TBC1D20: variants seen among roughly 807,000 people sequenced by gnomAD.
TBC1D20 encodes chromosome 20 open reading frame 140.
TBC1D20 carries 12 observed loss-of-function variants against 41.6 expected under a neutral mutation model. That is an observed-to-expected ratio of 0.29 (90% confidence interval 0.18 to 0.47). The LOEUF (loss-of-function observed/expected upper bound fraction) is 0.47, where lower values mean the gene tolerates loss of function less well. Ranked by LOEUF, TBC1D20 falls within the 20% of genes least tolerant of loss-of-function variation. TBC1D20 has a pLI of 1.00. For synonymous variants in TBC1D20, 205 were observed against 204.8 expected (o/e 1.00, Z -0.01); for missense variants, 421 against 517.4 (o/e 0.81, Z 1.81).
chr20:437,122 G>T lies in TBC1D20; in HGVS notation c.*1464C>A, dbSNP rs950614349. The T allele has an allele frequency of 6.6e-5, 10 of 152,130 alleles. No homozygotes were observed. The highest frequency in any genetic ancestry group is 5.3e-4 in the Admixed American group (8 of 15,220). 9.4% of individuals were successfully genotyped at this position (152,130 alleles called of 1,614,324 possible). On this transcript the variant is annotated 3_prime_UTR_variant, in exon 8 of 8. Transcript: ENST00000354200. ...GAGTGAGACTCCATCTCAGAAAAAA[G>T]AAAATAATAATAAAATAAATAAAAA...
Position 438,525 on chromosome 20 carries a change from C to G in TBC1D20, c.*61G>C, listed in dbSNP as rs927693928. On this transcript the variant is annotated 3_prime_UTR_variant, in exon 8 of 8. Coordinates refer to ENST00000354200, the MANE Select transcript of TBC1D20 (RefSeq NM_144628.4). ...TTAATAAAGGAAATTCCACCCCTCC[C>G]AATCCTTCCATGGAAGGGTGAGACC... The G allele has an allele frequency of 3.8e-5, 59 of 1,563,678 alleles. No individual in the cohort carries two copies. The African/African-American group carries it at 8.0e-4, about 21-fold the overall frequency.
At position 438,789 on chromosome 20, in the gene TBC1D20, G is replaced by A. The variant is rs757133570; in HGVS notation, c.1009C>T (p.Pro337Ser). 11 of 1,614,118 alleles carry A rather than the reference G, an allele frequency of 6.8e-6. No homozygotes were observed. Among genetic ancestry groups the A allele is most frequent in the African/African-American group, 6.7e-5 (5 of 74,934 alleles). Residue 337 changes from proline to serine, a missense_variant, in exon 8 of 8, where the codon CCT becomes TCT. This residue lies in a region of TBC1D20 where 161 missense variants were observed against 182.7 expected (regional missense o/e 0.88). Coordinates refer to ENST00000354200, the MANE Select transcript of TBC1D20 (RefSeq NM_144628.4). Reference sequence around the variant, plus strand: ...AACCGCTGCCGCAGCACCATATCAGGCCTCTGCTGGGCTGATGCCAGCTCA... The same window carrying A: ...AACCGCTGCCGCAGCACCATATCAGACCTCTGCTGGGCTGATGCCAGCTCA... ...DFELASAQQR[P>S]DMVLRQRFRG...
At chr20:441,528 A>T in intron 5 of TBC1D20, 60 bp downstream of exon 5, 3 of 1,411,912 alleles carry the variant, frequency 2.1e-6, no homozygotes, top group Non-Finnish European at 3.0e-6. Context: ...GGAGTGTTTC[A>T]GGTGTGGGGG....
At position 462,503 on chromosome 20, in the gene TBC1D20, G is replaced by T; in HGVS notation, c.-98C>A. The T allele has an allele frequency of 1.5e-6, 1 of 681,256 alleles. No individual in the cohort carries two copies. Among genetic ancestry groups the T allele is most frequent in the Non-Finnish European group, 1.9e-6 (1 of 517,358 alleles). 42.2% of individuals were successfully genotyped at this position (681,256 alleles called of 1,614,324 possible). A position where few individuals can be genotyped will look rare whatever the true frequency, so the allele number is the denominator to read the frequency against. On this transcript the variant is annotated 5_prime_UTR_variant, in exon 1 of 8. Coordinates refer to ENST00000354200, the MANE Select transcript of TBC1D20 (RefSeq NM_144628.4). ...GGGACGTAGCACCCGCTCGGCATCG[G>T]CAGGCTCCCCTCCGTCGGCCAGCGG...
intron 3 of TBC1D20, among the ~76,000 whole-genome samples, chr20:443,429 T>G (rs1438816833): frequency 6.6e-6 from 1 of 152,184 alleles, no homozygotes; most frequent in Non-Finnish European, 1.5e-5. Flanking sequence ...GAATGGCACA[T>G]GCACAGCTTC....
At chr20:456,693 T>A (rs1241805456) in intron 1 of TBC1D20, among the ~76,000 whole-genome samples, 3 of 151,810 alleles carry the variant, frequency 2.0e-5, no homozygotes, top group African/African-American at 7.3e-5. Context: ...GCCTCCCGAG[T>A]AGCTGGGATT....
chr20:444,585 T>A (rs1296688327), intron 3 of TBC1D20, among the ~76,000 whole-genome samples: 1 of 152,098 alleles, frequency 6.6e-6, no homozygotes, highest in Middle Eastern at 3.4e-3. Flanking sequence ...TTATTTATTT[T>A]TTTATCTATT....
intron 1 of TBC1D20, among the ~76,000 whole-genome samples, chr20:449,574 C>T (rs537008210): frequency 3.3e-5 from 5 of 151,948 alleles, no homozygotes; most frequent in South Asian, 4.2e-4. Flanking sequence ...CCAGCCTGGG[C>T]GACAAAGTGA....
At chr20:461,065 TATAAA>T (rs1374847401) in intron 1 of TBC1D20, among the ~76,000 whole-genome samples, 1 of 152,080 alleles carries the variant, frequency 6.6e-6, no homozygotes, top group Non-Finnish European at 1.5e-5. Context: ...CCAAATAAAA[TATAAA>T]ATAAAATATA....
At chr20:450,881 G>C (rs2017430719) in intron 1 of TBC1D20, 1 of 152,226 alleles carries the variant, frequency 6.6e-6, no homozygotes, top group Admixed American at 6.5e-5. Flanking sequence ...GCTGAGATCA[G>C]GGGAGATAAA....
At position 438,793 on chromosome 20, in the gene TBC1D20, C is replaced by T. The variant is rs35306023; in HGVS notation, c.1005G>A (p.Gln335=). 552 of 1,614,266 alleles carry T rather than the reference C, an allele frequency of 3.4e-4. 2 individuals carry two copies. In the African/African-American group the frequency reaches 6.4e-3, roughly 19 times the overall value. ...FKDFELASAQ[Q]RPDMVLRQRF... is the part of the protein sequence containing the mutation. ...GCTGCCGCAGCACCATATCAGGCCT[C>T]TGCTGGGCTGATGCCAGCTCAAAGT... Residue 335 remains glutamine (Q), a synonymous_variant, in exon 8 of 8, where the codon CAG becomes CAA. Coordinates refer to ENST00000354200, the MANE Select transcript of TBC1D20 (RefSeq NM_144628.4).
At chr20:460,531 A>G (rs78413402) in intron 1 of TBC1D20, among the ~76,000 whole-genome samples, 1 of 152,124 alleles carries the variant, frequency 6.6e-6, no homozygotes, top group African/African-American at 2.4e-5. Flanking sequence ...GAGTTCTATT[A>G]AACACAAAAT....
intron 1 of TBC1D20, among the ~76,000 whole-genome samples, chr20:449,081 G>A (rs1226436679): frequency 6.7e-6 from 1 of 149,328 alleles, no homozygotes; most frequent in African/African-American, 2.5e-5. Flanking sequence ...TCCTGACGTC[G>A]TGATCCTCCT....
At position 442,175 on chromosome 20, in the gene TBC1D20, A is replaced by G. The variant is rs749459992; in HGVS notation, c.338-132T>C. 8.3e-4 allele frequency: 675 copies of G among 809,992 alleles called. 2 individuals are homozygous for G. The highest frequency in any genetic ancestry group is 1.1e-3 in the Middle Eastern group (3 of 2,662). The allele number at this position is 809,992 out of a possible 1,614,324, so 50.2% of individuals were successfully genotyped here. A position where few individuals can be genotyped will look rare whatever the true frequency, so the allele number is the denominator to read the frequency against. ...ACAAATAATTTGGCAACGCATATCA[A>G]GATCCACTGTTGATACCACCTGGCA... On this transcript the variant is annotated intron_variant, in intron 3 of 7. Coordinates refer to ENST00000354200, the MANE Select transcript of TBC1D20 (RefSeq NM_144628.4).
rs1306301777 is a variant in TBC1D20 at position 438,229 on chromosome 20, T to C, written c.*357A>G. The C allele has an allele frequency of 1.2e-5, 3 of 248,296 alleles. No homozygotes were observed. The highest frequency in any genetic ancestry group is 2.4e-5 in the Non-Finnish European group (3 of 125,542). The allele number at this position is 248,296 out of a possible 1,614,324, so 15.4% of individuals were successfully genotyped here. A position where few individuals can be genotyped will look rare whatever the true frequency, so the allele number is the denominator to read the frequency against. On this transcript the variant is annotated 3_prime_UTR_variant, in exon 8 of 8. Coordinates refer to ENST00000354200, the MANE Select transcript of TBC1D20 (RefSeq NM_144628.4). ...ATCCCATGTTCCAGTTCACCTTCTA[T>C]GGGGTGACTAGGAGGTTCCCGGTAA...
intron 2 of TBC1D20, among the ~76,000 whole-genome samples, chr20:446,822 G>C (rs994285598): frequency 6.6e-6 from 1 of 152,068 alleles, no homozygotes; most frequent in Middle Eastern, 3.4e-3. Flanking sequence ...TGTAGAGACA[G>C]GGTTTCGCAA....
At chr20:446,673 A>C (rs1388030465) in intron 2 of TBC1D20, among the ~76,000 whole-genome samples, 6 of 151,654 alleles carry the variant, frequency 4.0e-5, no homozygotes, top group Non-Finnish European at 7.4e-5. Flanking sequence ...GTTTAATTTT[A>C]CTTTACTTTT....
At chr20:453,511 C>T (rs1312397865) in intron 1 of TBC1D20, among the ~76,000 whole-genome samples, 5 of 141,162 alleles carry the variant, frequency 3.5e-5, no homozygotes, top group Non-Finnish European at 7.6e-5. Context: ...ACAGCAACCA[C>T]GGACGGTGGC....
intron 1 of TBC1D20, among the ~76,000 whole-genome samples, chr20:455,413 A>C (rs1404559908): frequency 6.6e-6 from 1 of 152,140 alleles, no homozygotes; most frequent in Non-Finnish European, 1.5e-5. Flanking sequence ...AAGTCAGGAG[A>C]TCGAGACCAG....
Sources: allele counts gnomAD v4.1 joint callset (sites outside exome capture counted in the v4.1 genomes callset), GRCh38; gene constraint gnomAD v4.1.1; regional missense constraint gnomAD v4.1.1; transcripts MANE v1.5; gene names NCBI Gene and HGNC (gene_info 2026-07-23, HGNC 2026-07-21).